The following STK32B variants were observed in gnomAD, a reference collection of about 807,000 sequenced individuals.
The protein encoded by STK32B is serine/threonine kinase 32B, also known as serine/threonine-protein kinase 32B.
STK32B carries 43 observed loss-of-function variants against 52.6 expected under a neutral mutation model. The observed-to-expected ratio is 0.82, with a 90% confidence interval of 0.64 to 1.05. The LOEUF (loss-of-function observed/expected upper bound fraction) is 1.05. Among genes scored for constraint, STK32B ranks in the 50% least tolerant of loss-of-function variants. The probability of loss-of-function intolerance (pLI) is 0.00; values close to 1 mark genes in which losing one functional copy is unlikely to be tolerated. For missense variants in STK32B, 621 were observed against 534.6 expected (o/e 1.16, Z -1.59); for synonymous variants, 238 against 204.3 (o/e 1.17, Z -1.41).
chr4:5,172,245 C>G (rs1018611443), intron 3 of STK32B, among the ~76,000 whole-genome samples: 1 of 152,108 alleles, frequency 6.6e-6, no homozygotes, highest in Non-Finnish European at 1.5e-5. Context: ...ACAATCATGT[C>G]GTCTGCAAAC....
chr4:5,272,866 T>G (rs1727537992), intron 3 of STK32B, among the ~76,000 whole-genome samples: 1 of 142,062 alleles, frequency 7.0e-6, no homozygotes. Flanking sequence ...ATTTAAACGT[T>G]AGACCTAAAA....
intron 3 of STK32B, among the ~76,000 whole-genome samples, chr4:5,241,704 C>G (rs193230503): frequency 6.6e-6 from 1 of 152,014 alleles, no homozygotes; most frequent in African/African-American, 2.4e-5. Context: ...TTAGGTATAT[C>G]TCCTAATGCT....
At chr4:5,368,632 G>A (rs191274596) in intron 4 of STK32B, among the ~76,000 whole-genome samples, 1 of 152,180 alleles carries the variant, frequency 6.6e-6, no homozygotes, top group Non-Finnish European at 1.5e-5. Flanking sequence ...CTTGGTGGTC[G>A]ATGGCCTCAT....
chr4:5,463,227 G>C (rs1207646958), intron 9 of STK32B, among the ~76,000 whole-genome samples: 1 of 152,242 alleles, frequency 6.6e-6, no homozygotes, highest in Middle Eastern at 3.2e-3. Context: ...ACTGGCGAAG[G>C]CTAAGAATCT....
In STK32B at chr4:5,340,263, C is replaced by T. The variant is rs143391655; in HGVS notation, c.434+8870C>T. The stretch of plus-strand genomic sequence containing the variant: ...ATGACCATGACAGAGCACTACACAG[C>T]ACCAGTGGGAGCTTCAAGGAGGGGT... On this transcript the variant is annotated intron_variant, in intron 4 of 11. Transcript: ENST00000282908. Among the ~76,000 whole-genome samples the T allele has an allele frequency of 1.8e-3, 276 of 152,296 alleles. 8 individuals are homozygous for T. In the East Asian group the frequency reaches 0.042, roughly 23 times the overall value.
chr4:5,468,146 C>T, intron 11 of STK32B, 76 bp downstream of exon 11: 1 of 1,474,866 alleles, frequency 6.8e-7, no homozygotes, highest in Non-Finnish European at 9.5e-7. Flanking sequence ...GAATCACAGT[C>T]CCTGCCCCCC....
intron 4 of STK32B, among the ~76,000 whole-genome samples, chr4:5,360,695 A>C (rs1295631403): frequency 6.6e-6 from 1 of 152,122 alleles, no homozygotes; most frequent in Non-Finnish European, 1.5e-5. Flanking sequence ...AATCCCAGCT[A>C]CTCGGGAGGC....
At chr4:5,402,655 C>G (rs941826570) in intron 5 of STK32B, among the ~76,000 whole-genome samples, 17 of 152,340 alleles carry the variant, frequency 1.1e-4, no homozygotes, top group African/African-American at 4.1e-4. Flanking sequence ...CCTTGAGAAG[C>G]TCTCATTTGA....
chr4:5,297,506 CGCTTT>C (rs1729280405), intron 3 of STK32B, among the ~76,000 whole-genome samples: 1 of 151,760 alleles, frequency 6.6e-6, no homozygotes, highest in African/African-American at 2.4e-5. Context: ...CTTGTCTTCA[CGCTTT>C]ATTTTATTAA....
intron 4 of STK32B, among the ~76,000 whole-genome samples, chr4:5,341,286 C>A (rs1280833357): frequency 6.6e-6 from 1 of 152,198 alleles, no homozygotes; most frequent in African/African-American, 2.4e-5. Flanking sequence ...GAGCTTTTAA[C>A]TGGAACGTGA....
At chr4:5,212,004 C>T (rs562083295) in intron 3 of STK32B, among the ~76,000 whole-genome samples, 8 of 152,260 alleles carry the variant, frequency 5.3e-5, no homozygotes, top group African/African-American at 1.4e-4. Flanking sequence ...GAGGGACTAA[C>T]GGTAATTCAT....
intron 11 of STK32B, among the ~76,000 whole-genome samples, chr4:5,485,986 A>T (rs532676561): frequency 6.6e-6 from 1 of 152,326 alleles, no homozygotes; most frequent in African/African-American, 2.4e-5. Context: ...GTGAGGTGTC[A>T]GTCTGCCCCT....
At chr4:5,115,006 G>A (rs1041562871) in intron 1 of STK32B, among the ~76,000 whole-genome samples, 16 of 152,198 alleles carry the variant, frequency 1.1e-4, no homozygotes, top group African/African-American at 3.9e-4. Flanking sequence ...ACACCTGCTC[G>A]ACATGGGGGA....
chr4:5,051,303 G>A (rs1198789050), upstream of STK32B: 5 of 154,402 alleles, frequency 3.2e-5, no homozygotes, highest in African/African-American at 1.2e-4. Context: ...CGTAGCCGAG[G>A]CCTGGCCATA....
chr4:5,338,407 T>A (rs187359773), intron 4 of STK32B, among the ~76,000 whole-genome samples: 3 of 152,332 alleles, frequency 2.0e-5, no homozygotes, highest in Non-Finnish European at 4.4e-5. Context: ...CTAAAGAAGG[T>A]CACACCAGGG....
intron 1 of STK32B, among the ~76,000 whole-genome samples, chr4:5,100,294 G>T (rs1293792694): frequency 2.0e-5 from 3 of 152,090 alleles, no homozygotes; most frequent in Non-Finnish European, 2.9e-5. Flanking sequence ...GAGCACTGCT[G>T]TGGAAGGACA....
At chr4:5,208,745 T>TA (rs1296578350) in intron 3 of STK32B, among the ~76,000 whole-genome samples, 1 of 152,130 alleles carries the variant, frequency 6.6e-6, no homozygotes, top group Non-Finnish European at 1.5e-5. Context: ...AGGGAAGAAT[T>TA]CAATGATCGC....
At chr4:5,455,245 C>G (rs1716393693) in intron 7 of STK32B, among the ~76,000 whole-genome samples, 2 of 152,248 alleles carry the variant, frequency 1.3e-5, no homozygotes, top group African/African-American at 4.8e-5. Flanking sequence ...CGCCTTCTGT[C>G]TGCAGCAGCC....
chr4:5,168,727 T>C (rs1441878233), intron 3 of STK32B, among the ~76,000 whole-genome samples: 2 of 152,232 alleles, frequency 1.3e-5, no homozygotes, highest in Admixed American at 1.3e-4. Context: ...TGGAACGTTA[T>C]AAGAGAATGC....
Sources: gnomAD v4.1 joint callset for allele counts (sites outside exome capture counted in the v4.1 genomes callset) on GRCh38, gnomAD v4.1.1 for gene constraint, MANE v1.5 for transcripts, NCBI Gene and HGNC (gene_info 2026-07-23, HGNC 2026-07-21) for gene names.